Variants in VPS41 observed in about 807,000 individuals in gnomAD.
VPS41 encodes the protein vacuolar protein sorting-associated protein 41 homolog.
In VPS41, 85 loss-of-function variants were observed where a neutral mutation model predicts 130.9. That is an observed-to-expected ratio of 0.65 (90% CI 0.55 to 0.78). VPS41 has a LOEUF of 0.78. Among genes scored for constraint, VPS41 ranks in the 30% least tolerant of loss-of-function variants. VPS41 has a pLI of 0.00. For synonymous variants in VPS41, 335 were observed against 332.9 expected (o/e 1.01, Z -0.07); for missense variants, 874 against 1,018.7 (o/e 0.86, Z 1.93).
intron 15 of VPS41, 110 bp downstream of exon 15, chr7:38,767,427 G>A: frequency 1.8e-6 from 1 of 566,586 alleles, no homozygotes. Context: ...ACCCTCGTTA[G>A]AAAGATGTAC....
At chr7:38,870,739 C>CAAAAAAAAAAAAAAAAAAAAA (rs70977434) in intron 2 of VPS41, among the ~76,000 whole-genome samples, 3 of 29,734 alleles carry the variant, frequency 1.0e-4, no homozygotes, top group East Asian at 1.1e-3. Flanking sequence ...ACTATATGTT[C>CAAAAAAAAAAAAAAAAAAAAA]AAAAAAAAAA....
At chr7:38,802,329 C>T (rs1784744996) in intron 7 of VPS41, among the ~76,000 whole-genome samples, 1 of 152,144 alleles carries the variant, frequency 6.6e-6, no homozygotes, top group Non-Finnish European at 1.5e-5. Flanking sequence ...CTTGATGTTA[C>T]CTGCCTGGCC....
At chr7:38,817,619 A>C (rs904302000) in intron 7 of VPS41, among the ~76,000 whole-genome samples, 198 bp downstream of exon 7, 2 of 152,256 alleles carry the variant, frequency 1.3e-5, no homozygotes, top group Non-Finnish European at 2.9e-5. Flanking sequence ...CTCCGTCTCA[A>C]CAAAAAAAGC....
At chr7:38,894,393 T>C (rs1040144171) in intron 2 of VPS41, among the ~76,000 whole-genome samples, 4 of 150,642 alleles carry the variant, frequency 2.7e-5, no homozygotes, top group Admixed American at 2.0e-4. Context: ...GAATCAGTAA[T>C]ATCTAGGAGA....
intron 10 of VPS41, among the ~76,000 whole-genome samples, chr7:38,788,167 G>T (rs1004090925): frequency 6.6e-6 from 1 of 152,164 alleles, no homozygotes; most frequent in Non-Finnish European, 1.5e-5. Context: ...CTAAAAGATA[G>T]ATATTATCAC....
Position 38,899,270 on chromosome 7 carries a change from G to A in VPS41, c.22-1141C>T, listed in dbSNP as rs1227135538. On this transcript the variant is annotated intron_variant, in intron 1 of 28. Transcript: ENST00000310301. ...GTATCATTAACCACAATGAATATTA[G>A]AATCTCCTCTGTAACTCAATGCAGC... is the stretch of plus-strand genomic sequence containing the variant. Among the ~76,000 whole-genome samples the A allele has an allele frequency of 2.6e-5, 4 of 152,228 alleles. No homozygotes were observed. In the East Asian group the frequency reaches 5.8e-4, roughly 22 times the overall value.
chr7:38,755,233 T>C (rs950726326), intron 19 of VPS41, among the ~76,000 whole-genome samples: 8 of 152,212 alleles, frequency 5.3e-5, no homozygotes, highest in African/African-American at 1.9e-4. Context: ...CGCCCTCCGA[T>C]GTCTCGGATA....
At chr7:38,899,207 G>C (rs533903504) in intron 1 of VPS41, among the ~76,000 whole-genome samples, 2 of 152,068 alleles carry the variant, frequency 1.3e-5, no homozygotes, top group African/African-American at 2.4e-5. Context: ...GGGTAAAATG[G>C]GGATATGTTC....
In VPS41 at chr7:38,723,723, C is replaced by CAAAAAAAAAAAAAAAAAAAAAAAAAAAA. The variant is rs58105814; in HGVS notation, c.*2495_*2522dup. On this transcript the variant is annotated 3_prime_UTR_variant, in exon 29 of 29. Transcript: ENST00000310301. ...AAGGCAACAGAACGAGACTCCATCTCAAAAAAAAAAAAAAAAAAAAAAAAA... is the reference window on the plus strand; with the variant it reads ...AAGGCAACAGAACGAGACTCCATCTCAAAAAAAAAAAAAAAAAAAAAAAAAAAAAAAAAAAAAAAAAAAAAAAAAAAAA... The CAAAAAAAAAAAAAAAAAAAAAAAAAAAA allele has an allele frequency of 1.8e-4, 7 of 38,864 alleles. 2 individuals carry two copies. Among genetic ancestry groups the CAAAAAAAAAAAAAAAAAAAAAAAAAAAA allele is most frequent in the East Asian group, 3.1e-3 (2 of 652 alleles). The allele number at this position is 38,864 out of a possible 1,614,324, so 2.4% of individuals were successfully genotyped here. A position where few individuals can be genotyped will look rare whatever the true frequency, so the allele number is the denominator to read the frequency against.
chr7:38,855,872 ACT>A (rs1449960247), intron 4 of VPS41, among the ~76,000 whole-genome samples: 2 of 152,174 alleles, frequency 1.3e-5, no homozygotes, highest in Non-Finnish European at 2.9e-5. Context: ...AAGATTTAAG[ACT>A]CTGATCTTAT....
intron 4 of VPS41, among the ~76,000 whole-genome samples, chr7:38,840,290 G>A (rs1785583904): frequency 2.0e-5 from 3 of 152,012 alleles, no homozygotes; most frequent in Admixed American, 2.0e-4. Flanking sequence ...TGTTATTTAT[G>A]GGCCCAACGA....
intron 6 of VPS41, 80 bp downstream of exon 6, chr7:38,821,123 G>C (rs1327375194): frequency 9.9e-7 from 1 of 1,008,358 alleles, no homozygotes; most frequent in African/African-American, 1.6e-5. Flanking sequence ...ATACAGAAGT[G>C]GTAATGTTCA....
At chr7:38,856,224 T>C (rs1417425124) in intron 4 of VPS41, among the ~76,000 whole-genome samples, 2 of 152,136 alleles carry the variant, frequency 1.3e-5, no homozygotes, top group South Asian at 2.1e-4. Flanking sequence ...AGTGGTGCAA[T>C]TATAACTCAC....
rs559571561 is a variant in VPS41 at position 38,820,946 on chromosome 7, C to CGT, written c.384+255_384+256dup. ...CACAGATCGTGTGTGTGTGTGCGTG[C>CGT]GTGTGTGTGTGTATGTGTGTGTGAG... On this transcript the variant is annotated intron_variant, in intron 6 of 28. Coordinates refer to ENST00000310301, the MANE Select transcript of VPS41 (RefSeq NM_014396.4). Among the ~76,000 whole-genome samples the CGT allele has an allele frequency of 8.2e-3, 1,228 of 150,114 alleles. 15 individuals are homozygous for CGT. Among genetic ancestry groups the CGT allele is most frequent in the African/African-American group, 0.017 (683 of 40,664 alleles).
At chr7:38,894,153 A>C (rs1281244904) in intron 2 of VPS41, among the ~76,000 whole-genome samples, 1 of 152,230 alleles carries the variant, frequency 6.6e-6, no homozygotes, top group Non-Finnish European at 1.5e-5. Context: ...TAACAGTTAC[A>C]AAACACGAGA....
intron 15 of VPS41, chr7:38,765,864 T>C: frequency 2.2e-6 from 1 of 445,238 alleles, no homozygotes; most frequent in Non-Finnish European, 3.9e-6. Flanking sequence ...TTAACACAAC[T>C]TATAAAAGTT....
intron 7 of VPS41, among the ~76,000 whole-genome samples, chr7:38,809,274 G>A (rs1405625236): frequency 6.6e-6 from 1 of 150,616 alleles, no homozygotes; most frequent in Non-Finnish European, 1.5e-5. Flanking sequence ...CACGAGGTCA[G>A]GAGTTTGAGA....
At chr7:38,792,596 T>G (rs559746135) in intron 9 of VPS41, among the ~76,000 whole-genome samples, 1 of 152,200 alleles carries the variant, frequency 6.6e-6, no homozygotes, top group Non-Finnish European at 1.5e-5. Flanking sequence ...TTATTTTTTA[T>G]GGAGATGACT....
At chr7:38,846,890 G>C (rs1045731318) in intron 4 of VPS41, among the ~76,000 whole-genome samples, 2 of 152,176 alleles carry the variant, frequency 1.3e-5, no homozygotes, top group Admixed American at 1.3e-4. Context: ...AAAACACTGA[G>C]GGTAGAAGAG....
Sources: gnomAD v4.1 joint callset for allele counts (sites outside exome capture counted in the v4.1 genomes callset) on GRCh38, gnomAD v4.1.1 for gene constraint, MANE v1.5 for transcripts, NCBI Gene and HGNC (gene_info 2026-07-23, HGNC 2026-07-21) for gene names.